The following ABLIM1 variants were observed in gnomAD, a reference collection of about 807,000 sequenced individuals.
ABLIM1 encodes actin-binding LIM protein 1.
A neutral mutation model predicts 107.0 loss-of-function variants in ABLIM1; 40 were observed. The observed-to-expected ratio is 0.37, with a 90% confidence interval of 0.29 to 0.49. ABLIM1 has a LOEUF of 0.49. Among genes scored for constraint, ABLIM1 ranks in the 20% least tolerant of loss-of-function variants. The probability of loss-of-function intolerance (pLI) is 0.97; values close to 1 mark genes in which losing one functional copy is unlikely to be tolerated. For missense variants in ABLIM1, 857 were observed against 1,008.5 expected, an observed-to-expected ratio of 0.85 and a Z score of 2.04; for synonymous variants, 357 against 357.3, an observed-to-expected ratio of 1.00 and a Z score of 0.01.
At chr10:114,516,990 T>C (rs552457522) in intron 6 of ABLIM1, among the ~76,000 whole-genome samples, 96 of 152,306 alleles carry the variant, frequency 6.3e-4, no homozygotes, top group African/African-American at 2.0e-3. Flanking sequence ...TCCTTGGGAC[T>C]CCGTTTTTTT....
chr10:114,458,109 T>G (rs1415040859), intron 12 of ABLIM1, among the ~76,000 whole-genome samples: 2 of 150,550 alleles, frequency 1.3e-5, no homozygotes, highest in South Asian at 2.1e-4. Flanking sequence ...TGTGTGTGTG[T>G]GTGTGTGCGC....
rs145263500 is a variant in ABLIM1, at chr10:114,447,937, C to T, written c.1678G>A (p.Glu560Lys). The change falls in exon 15 of 23, where the codon GAG becomes AAG. Residue 560 changes from glutamate (E) to lysine (K), a missense_variant. By Grantham distance (56) the Glu-to-Lys change is moderately conservative. Transcript: ENST00000533213. ...TGGTCCGTCTCAATCTTTGGTGTCT[C>T]GCTGGGGTCTGGTGCCTGGGCTGCT... The part of the protein sequence containing the change: ...FPAAQAPDPS[E>K]TPKIETDHWP... 153 of 1,614,082 alleles carry T rather than the reference C, an allele frequency of 9.5e-5. No homozygotes were observed. The highest frequency in any genetic ancestry group is 1.2e-4 in the Non-Finnish European group (146 of 1,180,022).
At chr10:114,560,910 A>G (rs1369012422) in intron 4 of ABLIM1, among the ~76,000 whole-genome samples, 4 of 152,194 alleles carry the variant, frequency 2.6e-5, no homozygotes, top group Non-Finnish European at 5.9e-5. Flanking sequence ...CCTAATGGGT[A>G]CAGGAATTTT....
intron 2 of ABLIM1, among the ~76,000 whole-genome samples, chr10:114,601,323 G>A (rs2075977601): frequency 6.7e-6 from 1 of 149,384 alleles, no homozygotes; most frequent in Non-Finnish European, 1.5e-5. Flanking sequence ...GGAGTGCAAT[G>A]ACACAATCTC....
At chr10:114,541,174 T>G (rs1376191566) in intron 6 of ABLIM1, among the ~76,000 whole-genome samples, 1 of 151,918 alleles carries the variant, frequency 6.6e-6, no homozygotes, top group Non-Finnish European at 1.5e-5. Context: ...GGAAAGGCCC[T>G]TCACTAGAGC....
Position 114,472,989 on chromosome 10 carries a change from C to T in ABLIM1, c.1263G>A (p.Gln421=). 2.5e-6 allele frequency: 4 copies of T among 1,601,386 alleles called. No individual in the cohort carries two copies. The highest frequency in any genetic ancestry group is 3.4e-6 in the Non-Finnish European group (4 of 1,173,240). The change falls in exon 10 of 23, where the codon CAG becomes CAA. Residue 421 remains glutamine (Q), a synonymous_variant. Transcript: ENST00000533213. ...TSGYDDKQER[Q]SLGESPRTLS... is the part of the protein sequence containing the mutation. ...AGGAATGTATTACCTCTCCAAGGCT[C>T]TGTCTCTCCTGTTTGTCATCATAGC...
chr10:114,756,871 C>T (rs12763449), intron 1 of ABLIM1, among the ~76,000 whole-genome samples: 53,113 of 152,020 alleles, frequency 0.35, 11,210 homozygotes, highest in Non-Finnish European at 0.48. Flanking sequence ...TTGTATGTAA[C>T]GCCATCGTGC....
At chr10:114,597,298 G>T (rs947433433) in intron 2 of ABLIM1, among the ~76,000 whole-genome samples, 2 of 152,176 alleles carry the variant, frequency 1.3e-5, no homozygotes, top group Non-Finnish European at 2.9e-5. Flanking sequence ...TGATTAGGAT[G>T]GAGAGAGAAG....
intron 1 of ABLIM1, among the ~76,000 whole-genome samples, chr10:114,698,080 C>T (rs1468786113): frequency 6.6e-6 from 1 of 151,916 alleles, no homozygotes; most frequent in East Asian, 1.9e-4. Context: ...AAAAGAATCA[C>T]TAAGACATTT....
At chr10:114,732,327 C>T (rs1054384011) in intron 1 of ABLIM1, among the ~76,000 whole-genome samples, 3 of 151,678 alleles carry the variant, frequency 2.0e-5, no homozygotes, top group South Asian at 2.1e-4. Flanking sequence ...CTAATGATGT[C>T]GAACATCTTT....
chr10:114,668,971 T>G (rs761315065), intron 1 of ABLIM1, among the ~76,000 whole-genome samples: 18 of 152,242 alleles, frequency 1.2e-4, no homozygotes, highest in Non-Finnish European at 2.5e-4. Flanking sequence ...AACTGTGAAC[T>G]TCTTAAAAGC....
intron 8 of ABLIM1, 37 bp from the exon 9 acceptor site, chr10:114,473,993 C>T (rs1474305416): frequency 6.5e-7 from 1 of 1,541,670 alleles, no homozygotes; most frequent in Non-Finnish European, 9.0e-7. Context: ...ACTTCGGACC[C>T]TGGCTTCAGA....
chr10:114,461,362 T>G (rs911824593), intron 12 of ABLIM1, among the ~76,000 whole-genome samples: 1 of 150,874 alleles, frequency 6.6e-6, no homozygotes, highest in Non-Finnish European at 1.5e-5. Context: ...GGCTGTTATA[T>G]TAAAGTCTCT....
intron 1 of ABLIM1, chr10:114,765,026 C>T (rs45597633): frequency 0.025 from 3,816 of 152,496 alleles, 75 homozygotes; most frequent in Middle Eastern, 0.047. Flanking sequence ...CCATTGTGTG[C>T]CCCCTTAAGG....
chr10:114,575,446 T>C lies in ABLIM1; in HGVS notation c.533A>G (p.His178Arg). The C allele has an allele frequency of 6.2e-7, 1 of 1,614,092 alleles. No homozygotes were observed. Among genetic ancestry groups the C allele is most frequent in the Non-Finnish European group, 8.5e-7 (1 of 1,179,988 alleles). ...GATAGTACAAGCAAAGCAATTGGGA[T>C]GGTAGGTCTTGCCCAGAGCAGTCAC... is the stretch of plus-strand genomic sequence containing the variant. ...EVVTALGKTYHPNCFACTICK... is the reference protein window; with the variant it reads ...EVVTALGKTYRPNCFACTICK... The change falls in exon 3 of 23, where the codon CAT (histidine) becomes CGT (arginine). Residue 178 changes from histidine (H) to arginine (R), a missense_variant. By Grantham distance (29) the His-to-Arg change is conservative. Coordinates refer to ENST00000533213, the MANE Select transcript of ABLIM1 (RefSeq NM_002313.7).
chr10:114,547,766 G>A lies in ABLIM1; in HGVS notation c.684C>T (p.Gly228=). Residue 228 remains glycine (G), a synonymous_variant, in exon 5 of 23, where the codon GGC becomes GGT. Coordinates refer to ENST00000533213, the MANE Select transcript of ABLIM1 (RefSeq NM_002313.7). The part of the protein sequence containing the change: ...KETTFSSNCA[G]CGRDIKNGQA... ...GCCCATTCTTGATATCTCTTCCGCA[G>A]CCGGCACAATCTGAAAAAGAGCAGC... 6.2e-7 allele frequency: 1 copy of A among 1,609,436 alleles called. No homozygotes were observed. Among genetic ancestry groups the A allele is most frequent in the African/African-American group, 1.3e-5 (1 of 75,064 alleles).
At chr10:114,770,289 A>G (rs968947964), upstream of ABLIM1, among the ~76,000 whole-genome samples, 12 of 152,204 alleles carry the variant, frequency 7.9e-5, no homozygotes, top group Non-Finnish European at 1.6e-4. Flanking sequence ...CTAGGGTTAC[A>G]ATGGTGAACA....
intron 6 of ABLIM1, among the ~76,000 whole-genome samples, chr10:114,532,428 C>T (rs2065550394): frequency 6.6e-6 from 1 of 152,312 alleles, no homozygotes; most frequent in African/African-American, 2.4e-5. Context: ...TCATATCCTC[C>T]CCAAGGCGGG....
At chr10:114,638,500 A>G (rs2078585855) in intron 1 of ABLIM1, among the ~76,000 whole-genome samples, 1 of 152,130 alleles carries the variant, frequency 6.6e-6, no homozygotes, top group Non-Finnish European at 1.5e-5. Flanking sequence ...AGTACATATT[A>G]TTATACTTTA....
Sources: gnomAD v4.1 joint callset for allele counts (sites outside exome capture counted in the v4.1 genomes callset) on GRCh38, gnomAD v4.1.1 for gene constraint, MANE v1.5 for transcripts, NCBI Gene and HGNC (gene_info 2026-07-23, HGNC 2026-07-21) for gene names.